Variants in GRAMD1B observed in about 807,000 individuals in gnomAD.
The protein encoded by GRAMD1B is protein Aster-B.
GRAMD1B carries 37 observed loss-of-function variants against 99.7 expected under a neutral mutation model. That is an observed-to-expected ratio of 0.37 (90% confidence interval 0.29 to 0.49). The LOEUF (loss-of-function observed/expected upper bound fraction) is 0.49. Ranked by LOEUF, GRAMD1B falls within the 20% of genes least tolerant of loss-of-function variation. The pLI, the probability that GRAMD1B is intolerant of heterozygous loss-of-function variation, is 0.98. For missense variants in GRAMD1B, 888 were observed against 1,009.2 expected (o/e 0.88, Z 1.63); for synonymous variants, 427 against 387.6 (o/e 1.10, Z -1.19).
At chr11:123,432,555 C>CAA (rs11380139) in intron 1 of GRAMD1B, among the ~76,000 whole-genome samples, 1,653 of 126,286 alleles carry the variant, frequency 0.013, 13 homozygotes, top group African/African-American at 0.025. Flanking sequence ...GACTCTGTCT[C>CAA]AAAAAAAAAA....
intron 2 of GRAMD1B, among the ~76,000 whole-genome samples, chr11:123,544,160 T>C (rs1391348658): frequency 2.0e-5 from 3 of 152,132 alleles, no homozygotes; most frequent in African/African-American, 7.2e-5. Context: ...TGAGGAGAGA[T>C]TGAACATCTG....
chr11:123,359,976 G>A (rs181332760), intron 1 of GRAMD1B, among the ~76,000 whole-genome samples: 364 of 152,142 alleles, frequency 2.4e-3, no homozygotes, highest in African/African-American at 8.2e-3. Flanking sequence ...GGGGAGGGGC[G>A]GATCTCAGCT....
intron 1 of GRAMD1B, among the ~76,000 whole-genome samples, chr11:123,431,368 G>GA (rs1203423186): frequency 6.6e-6 from 1 of 152,280 alleles, no homozygotes; most frequent in Non-Finnish European, 1.5e-5. Context: ...AACTCAGGGT[G>GA]AGGGGCTTCA....
intron 2 of GRAMD1B, among the ~76,000 whole-genome samples, chr11:123,500,855 G>A (rs550716417): frequency 4.6e-5 from 7 of 152,126 alleles, no homozygotes; most frequent in African/African-American, 1.2e-4. Context: ...TGTATTTTTT[G>A]TAGAGACAAG....
chr11:123,596,108 T>G (rs1389609037), intron 7 of GRAMD1B, 71 bp downstream of exon 7: 1 of 830,096 alleles, frequency 1.2e-6, no homozygotes, highest in Non-Finnish European at 2.0e-6. Flanking sequence ...CTGCCCTTTC[T>G]TGAATCGCAT....
chr11:123,391,291 T>C (rs1947269280), intron 1 of GRAMD1B, among the ~76,000 whole-genome samples: 1 of 111,150 alleles, frequency 9.0e-6, no homozygotes, highest in African/African-American at 6.9e-5. Flanking sequence ...CCTGCAGCCT[T>C]ACTCTTTCTC....
intron 4 of GRAMD1B, 121 bp from the exon 5 acceptor site, chr11:123,593,960 TG>T: frequency 1.4e-6 from 1 of 705,424 alleles, no homozygotes; most frequent in Non-Finnish European, 2.6e-6. Flanking sequence ...CTAGGGTCTG[TG>T]GGAGGGCAGA....
At position 123,510,208 on chromosome 11, in the gene GRAMD1B, C is replaced by T. The variant is rs559451247; in HGVS notation, c.452+29315C>T. On this transcript the variant is annotated intron_variant, in intron 2 of 19. Transcript: ENST00000635736. This position sits in a 1 kb window ranked among gnomAD's most constrained non-coding sequence, Gnocchi z 4.3. ...CCGCCTGCCCGCCACCAGCTGCTGA[C>T]CTTCTCCCTTCCTGCTCCCCCCGGC... is the stretch of plus-strand genomic sequence containing the variant. 2.0e-4 allele frequency among the ~76,000 whole-genome samples: 30 copies of T among 152,254 alleles called. No individual in the cohort carries two copies. Among genetic ancestry groups the T allele is most frequent in the African/African-American group, 6.3e-4 (26 of 41,542 alleles).
chr11:123,550,148 C>T (rs1031882033), intron 2 of GRAMD1B, among the ~76,000 whole-genome samples: 1 of 152,176 alleles, frequency 6.6e-6, no homozygotes, highest in African/African-American at 2.4e-5. Flanking sequence ...CCTGATTGCC[C>T]TCTGGAGAGT....
chr11:123,404,215 C>T (rs893468147), intron 1 of GRAMD1B, among the ~76,000 whole-genome samples: 1 of 152,182 alleles, frequency 6.6e-6, no homozygotes, highest in Non-Finnish European at 1.5e-5. Flanking sequence ...GCCTGATTGT[C>T]TCTCTTTTTG....
Position 123,434,713 on chromosome 11 carries a change from T to G in GRAMD1B, c.374+3547T>G, listed in dbSNP as rs1892967. On this transcript the variant is annotated intron_variant, in intron 1 of 19. Transcript: ENST00000635736. ...TGAGGCATGAGAATTGCTTGAACTT[T>G]GTGGGCAAAGGTTTCAGTGAGCTGA... Among the ~76,000 whole-genome samples the G allele has an allele frequency of 4.0e-5, 6 of 151,820 alleles. 1 individual carries two copies. Among genetic ancestry groups the G allele is most frequent in the African/African-American group, 1.5e-4 (6 of 41,320 alleles).
chr11:123,476,583 T>C (rs1174983670), intron 1 of GRAMD1B, among the ~76,000 whole-genome samples: 1 of 152,196 alleles, frequency 6.6e-6, no homozygotes, highest in African/African-American at 2.4e-5. Context: ...TCCCTGGAGC[T>C]TTCCAACAGA....
chr11:123,527,767 C>T (rs1429303053), intron 2 of GRAMD1B, among the ~76,000 whole-genome samples: 1 of 152,194 alleles, frequency 6.6e-6, no homozygotes, highest in Non-Finnish European at 1.5e-5. Flanking sequence ...TTCCGCGCCC[C>T]TGCTGTCAGC....
chr11:123,478,396 T>C (rs1339265975), intron 1 of GRAMD1B, among the ~76,000 whole-genome samples: 1 of 152,236 alleles, frequency 6.6e-6, no homozygotes, highest in Non-Finnish European at 1.5e-5. Context: ...TGCATGTAGT[T>C]TGATATTTAT....
chr11:123,508,738 TGCAA>T (rs1940688949), intron 2 of GRAMD1B, among the ~76,000 whole-genome samples: 1 of 151,874 alleles, frequency 6.6e-6, no homozygotes, highest in South Asian at 2.1e-4. Context: ...CAGGCTGGAG[TGCAA>T]TGGCATGGTC....
chr11:123,501,011 CTG>C (rs1939798745), intron 2 of GRAMD1B, among the ~76,000 whole-genome samples: 1 of 152,064 alleles, frequency 6.6e-6, no homozygotes, highest in Non-Finnish European at 1.5e-5. Context: ...GTGCTTAACA[CTG>C]TGCTTTTCCT....
chr11:123,604,190 G>A (rs1019696280), intron 9 of GRAMD1B, among the ~76,000 whole-genome samples: 1 of 152,202 alleles, frequency 6.6e-6, no homozygotes, highest in Non-Finnish European at 1.5e-5. Flanking sequence ...AGTGTGGAGT[G>A]CACAGGGAAG....
chr11:123,580,829 C>G (rs571159391), intron 3 of GRAMD1B, among the ~76,000 whole-genome samples: 50 of 152,220 alleles, frequency 3.3e-4, no homozygotes, highest in African/African-American at 1.2e-3. Flanking sequence ...CTCCTCCCGC[C>G]CTGCTGCACA....
At chr11:123,556,573 A>C (rs748523699) in intron 2 of GRAMD1B, among the ~76,000 whole-genome samples, 9 of 152,224 alleles carry the variant, frequency 5.9e-5, no homozygotes, top group Non-Finnish European at 1.3e-4. Context: ...GACACTGCAC[A>C]GGACTCTCAG....
Sources: allele counts gnomAD v4.1 joint callset (sites outside exome capture counted in the v4.1 genomes callset), GRCh38; gene constraint gnomAD v4.1.1; non-coding constraint Gnocchi (gnomAD v3.1); transcripts MANE v1.5; gene names NCBI Gene and HGNC (gene_info 2026-07-23, HGNC 2026-07-21).